PTPRM: variants seen among roughly 807,000 people sequenced by gnomAD.
PTPRM encodes receptor-type tyrosine-protein phosphatase mu.
A neutral mutation model predicts 186.7 loss-of-function variants in PTPRM; 47 were observed. The ratio of observed to expected loss-of-function variants is 0.25; its 90% CI spans 0.20 to 0.32. The LOEUF is 0.32. Among genes scored for constraint, PTPRM ranks in the 10% least tolerant of loss-of-function variants. The pLI is 1.00. For synonymous variants in PTPRM, 668 were observed against 674.9 expected, an observed-to-expected ratio of 0.99 and a Z score of 0.16; for missense variants, 1,494 against 1,865.0, an observed-to-expected ratio of 0.80 and a Z score of 3.66.
intron 29 of PTPRM, among the ~76,000 whole-genome samples, chr18:8,382,454 C>T (rs2095743081): frequency 6.6e-6 from 1 of 152,028 alleles, no homozygotes; most frequent in African/African-American, 2.4e-5. Flanking sequence ...CATCATAATG[C>T]CTATTAATTT....
rs138052172 is a variant in PTPRM, at chr18:8,351,971, G to T, written c.3054+8451G>T. The stretch of plus-strand genomic sequence containing the variant: ...AAACCTCAGTTCCCCTCTGTAAAAA[G>T]TTCAACCAAAGAGCTCAATTTGTCA... On this transcript the variant is annotated intron_variant, in intron 23 of 32. Coordinates refer to ENST00000580170, the MANE Select transcript of PTPRM (RefSeq NM_001105244.2). Among the ~76,000 whole-genome samples the T allele has an allele frequency of 1.8e-3, 280 of 152,236 alleles. 2 individuals are homozygous for T. The highest frequency in any genetic ancestry group is 6.1e-3 in the African/African-American group (255 of 41,548).
chr18:7,976,510 G>A (rs186695097), intron 7 of PTPRM, among the ~76,000 whole-genome samples: 145 of 152,324 alleles, frequency 9.5e-4, no homozygotes, highest in Non-Finnish European at 1.8e-3. Context: ...GGGAGGCTAC[G>A]CCTAGGCTTG....
At chr18:8,350,669 T>C (rs1336362622) in intron 23 of PTPRM, among the ~76,000 whole-genome samples, 1 of 152,266 alleles carries the variant, frequency 6.6e-6, no homozygotes, top group East Asian at 1.9e-4. Flanking sequence ...AATCCTTCAG[T>C]GATTCCTGTC....
chr18:8,350,488 G>A, intron 23 of PTPRM, among the ~76,000 whole-genome samples: 1 of 152,180 alleles, frequency 6.6e-6, no homozygotes, highest in Non-Finnish European at 1.5e-5. Flanking sequence ...TTCAGTCCAT[G>A]CTGGAGACTC....
At chr18:8,166,873 G>A (rs1020126280) in intron 14 of PTPRM, among the ~76,000 whole-genome samples, 1 of 152,186 alleles carries the variant, frequency 6.6e-6, no homozygotes, top group Non-Finnish European at 1.5e-5. Context: ...TGATACTTTG[G>A]TTGAAATAAA....
At chr18:8,326,113 C>T (rs2095374586) in intron 22 of PTPRM, among the ~76,000 whole-genome samples, 1 of 152,142 alleles carries the variant, frequency 6.6e-6, no homozygotes, top group South Asian at 2.1e-4. Context: ...TGTTTTCTCC[C>T]ATTCTGTAGG....
intron 7 of PTPRM, among the ~76,000 whole-genome samples, chr18:7,965,230 G>T (rs573196590): frequency 5.9e-5 from 9 of 152,192 alleles, no homozygotes; most frequent in Admixed American, 3.3e-4. Context: ...GTATTTAGCA[G>T]AGATGGGGTT....
chr18:7,624,521 T>A (rs184421220), intron 1 of PTPRM, among the ~76,000 whole-genome samples: 1 of 152,218 alleles, frequency 6.6e-6, no homozygotes, highest in Non-Finnish European at 1.5e-5. Flanking sequence ...GGTATCACTC[T>A]GTTGTCCAGG....
At chr18:8,088,665 T>G in intron 10 of PTPRM, 84 bp from the exon 11 acceptor site, 1 of 1,128,376 alleles carries the variant, frequency 8.9e-7, no homozygotes, top group Non-Finnish European at 1.3e-6. Flanking sequence ...GTGTTCTTAA[T>G]GCTCTTTGTA....
At chr18:8,005,676 G>A (rs1012532107) in intron 7 of PTPRM, among the ~76,000 whole-genome samples, 4 of 151,924 alleles carry the variant, frequency 2.6e-5, no homozygotes, top group African/African-American at 9.7e-5. Flanking sequence ...ATCACCTCAG[G>A]GGTGACCTCC....
intron 2 of PTPRM, among the ~76,000 whole-genome samples, chr18:7,872,546 G>A (rs965342173): frequency 2.0e-5 from 3 of 152,038 alleles, no homozygotes; most frequent in Non-Finnish European, 4.4e-5. Flanking sequence ...AGAAAAATTA[G>A]CCTTGAATAA....
chr18:8,381,577 A>G (rs968433405), intron 29 of PTPRM, among the ~76,000 whole-genome samples: 2 of 152,164 alleles, frequency 1.3e-5, no homozygotes, highest in African/African-American at 4.8e-5. Flanking sequence ...AGTAATGATA[A>G]TCTTTGTTCT....
At chr18:8,043,228 C>A (rs561214658) in intron 7 of PTPRM, among the ~76,000 whole-genome samples, 2 of 152,148 alleles carry the variant, frequency 1.3e-5, no homozygotes, top group African/African-American at 4.8e-5. Context: ...CAACAAGGTG[C>A]CTGTCTATGG....
chr18:7,688,124 G>A (rs1057236452), intron 1 of PTPRM, among the ~76,000 whole-genome samples: 4 of 152,030 alleles, frequency 2.6e-5, no homozygotes, highest in Non-Finnish European at 4.4e-5. Context: ...CTTCATGGAG[G>A]CATACTGAGC....
At chr18:7,608,016 C>T (rs565503805) in intron 1 of PTPRM, among the ~76,000 whole-genome samples, 1 of 152,326 alleles carries the variant, frequency 6.6e-6, no homozygotes, top group Admixed American at 6.5e-5. Context: ...CTCTCTCCCA[C>T]CTGTTGCAGT....
chr18:7,772,249 C>CTT (rs761755923), intron 1 of PTPRM, among the ~76,000 whole-genome samples: 1 of 116,976 alleles, frequency 8.5e-6, no homozygotes, highest in Admixed American at 8.0e-5. Context: ...GATCTTTTTT[C>CTT]TTTTCTTTTC....
chr18:7,888,296 C>G lies in PTPRM; in HGVS notation c.387C>G (p.Ile129Met), dbSNP rs753879763. 12 of 1,614,038 alleles carry G rather than the reference C, an allele frequency of 7.4e-6. No individual in the cohort carries two copies. The East Asian group carries it at 2.5e-4, about 33-fold the overall frequency. Residue 129 changes from isoleucine to methionine, a missense_variant, in exon 3 of 33, where the codon ATC becomes ATG. Ile to Met is a conservative substitution (Grantham distance 10). This residue lies in a region of PTPRM where 296 missense variants were observed against 345.5 expected (regional missense o/e 0.86). Transcript: ENST00000580170. ...KVNNGPLGNP[I>M]WNISGDPTRT... ...ATAACGGGCCACTGGGGAATCCTATCTGGAATATATCTGGAGACCCAACAC... is the reference window on the plus strand; with the variant it reads ...ATAACGGGCCACTGGGGAATCCTATGTGGAATATATCTGGAGACCCAACAC...
At chr18:7,933,482 A>C (rs2051610101) in intron 5 of PTPRM, among the ~76,000 whole-genome samples, 2 of 151,606 alleles carry the variant, frequency 1.3e-5, no homozygotes, top group South Asian at 4.2e-4. Flanking sequence ...TGTGTGCAAG[A>C]CATGACAGAA....
chr18:7,903,617 T>A (rs1466599371), intron 3 of PTPRM, among the ~76,000 whole-genome samples: 1 of 152,244 alleles, frequency 6.6e-6, no homozygotes, highest in African/African-American at 2.4e-5. Flanking sequence ...GTGCATATCT[T>A]CCTTTCTCTT....
Sources: gnomAD v4.1 joint callset for allele counts (sites outside exome capture counted in the v4.1 genomes callset) on GRCh38, gnomAD v4.1.1 for gene constraint, gnomAD v4.1.1 regional missense constraint, MANE v1.5 for transcripts, NCBI Gene and HGNC (gene_info 2026-07-23, HGNC 2026-07-21) for gene names.